Variants in L3MBTL4 observed in about 807,000 individuals in gnomAD.
L3MBTL4 encodes lethal(3)malignant brain tumor-like protein 4.
In L3MBTL4, 70 loss-of-function variants were observed where a neutral mutation model predicts 84.5. That is an observed-to-expected ratio of 0.83 (90% CI 0.68 to 1.01). L3MBTL4 has a LOEUF of 1.01. L3MBTL4 is among the 50% of genes least tolerant of loss of function. L3MBTL4 has a pLI of 0.00. For synonymous variants in L3MBTL4, 274 were observed against 259.8 expected, an observed-to-expected ratio of 1.05 and a Z score of -0.52; for missense variants, 715 against 754.8, an observed-to-expected ratio of 0.95 and a Z score of 0.62.
intron 16 of L3MBTL4, among the ~76,000 whole-genome samples, chr18:6,035,607 G>T (rs2056091651): frequency 6.6e-6 from 1 of 152,102 alleles, no homozygotes; most frequent in South Asian, 2.1e-4. Context: ...TGTTCTTTTG[G>T]CTTAGGATTG....
Position 5,955,924 on chromosome 18 carries a change from A to C in L3MBTL4, c.*296T>G. The C allele has an allele frequency of 3.7e-6, 1 of 268,384 alleles. No individual in the cohort carries two copies. The highest frequency in any genetic ancestry group is 7.0e-6 in the Non-Finnish European group (1 of 143,778). 16.6% of individuals were successfully genotyped at this position (268,384 alleles called of 1,614,324 possible). A position where few individuals can be genotyped will look rare whatever the true frequency, so the allele number is the denominator to read the frequency against. On this transcript the variant is annotated 3_prime_UTR_variant, in exon 19 of 19. Transcript: ENST00000317931. ...TCTTTTCTGGTGACGGAGAAGAATAAAGGTGGATGTGTGGGCTTCTTTGGT... is the reference window on the plus strand; with the variant it reads ...TCTTTTCTGGTGACGGAGAAGAATACAGGTGGATGTGTGGGCTTCTTTGGT...
intron 1 of L3MBTL4, among the ~76,000 whole-genome samples, chr18:6,388,609 A>C (rs2054919188): frequency 6.6e-6 from 1 of 152,212 alleles, no homozygotes; most frequent in South Asian, 2.1e-4. Flanking sequence ...AAAATGGAGA[A>C]GAAATTGAAA....
At chr18:6,377,025 C>T (rs1407286181) in intron 1 of L3MBTL4, among the ~76,000 whole-genome samples, 4 of 152,102 alleles carry the variant, frequency 2.6e-5, no homozygotes, top group Non-Finnish European at 5.9e-5. Flanking sequence ...GCAAATAAAG[C>T]TTTGGAGGAG....
chr18:5,987,512 C>T (rs1175740100), intron 16 of L3MBTL4, among the ~76,000 whole-genome samples: 1 of 152,218 alleles, frequency 6.6e-6, no homozygotes, highest in East Asian at 1.9e-4. Context: ...CTGTCTTTAG[C>T]ATCCTCCTAC....
At chr18:6,407,797 C>G (rs924678941) in intron 1 of L3MBTL4, among the ~76,000 whole-genome samples, 1 of 152,156 alleles carries the variant, frequency 6.6e-6, no homozygotes, top group African/African-American at 2.4e-5. Flanking sequence ...TAAATGGCAA[C>G]AAGCCCTTAC....
chr18:5,985,812 A>G (rs1014082316), intron 16 of L3MBTL4, among the ~76,000 whole-genome samples: 1 of 152,138 alleles, frequency 6.6e-6, no homozygotes, highest in African/African-American at 2.4e-5. Context: ...GTTGAGGACA[A>G]AAAACAGAGA....
At chr18:6,238,995 C>T (rs2047335651) in intron 9 of L3MBTL4, among the ~76,000 whole-genome samples, 1 of 152,008 alleles carries the variant, frequency 6.6e-6, no homozygotes, top group African/African-American at 2.4e-5. Context: ...CTCTGCTCCC[C>T]ATAGGCTTTC....
At chr18:6,397,907 T>G (rs1383463334) in intron 1 of L3MBTL4, 1 of 151,542 alleles carries the variant, frequency 6.6e-6, no homozygotes, top group Non-Finnish European at 1.5e-5. Context: ...TCTGAGAAGT[T>G]CCATAGTAAC....
rs777498587 is a variant in L3MBTL4, at chr18:6,241,388, A to G, written c.522T>C (p.Ala174=). The change falls in exon 8 of 19, where the codon GCT becomes GCC. Residue 174 remains alanine (A), a synonymous_variant. Coordinates refer to ENST00000317931, the MANE Select transcript of L3MBTL4 (RefSeq NM_001330559.2). ...DYLKACKLQN[A]PKKLFRNRSP... ...TTCTGTTTCTGAATAATTTCTTTGGAGCATTTTGCAATTTGCAGGCCTTCA... is the reference window on the plus strand; with the variant it reads ...TTCTGTTTCTGAATAATTTCTTTGGGGCATTTTGCAATTTGCAGGCCTTCA... 2 of 1,603,446 alleles carry G rather than the reference A, an allele frequency of 1.2e-6. No individual in the cohort carries two copies. The highest frequency in any genetic ancestry group is 2.2e-5 in the East Asian group (1 of 44,736).
intron 1 of L3MBTL4, among the ~76,000 whole-genome samples, chr18:6,324,912 A>T (rs764637406): frequency 2.4e-4 from 36 of 152,236 alleles, no homozygotes; most frequent in Non-Finnish European, 4.4e-4. Context: ...AAAGTTGCTT[A>T]ACTTCATTAG....
chr18:6,049,769 T>C (rs1226880300), intron 16 of L3MBTL4, among the ~76,000 whole-genome samples: 1 of 152,184 alleles, frequency 6.6e-6, no homozygotes, highest in Non-Finnish European at 1.5e-5. Context: ...TTGGGTGTTA[T>C]GTTCAGTACT....
intron 16 of L3MBTL4, among the ~76,000 whole-genome samples, chr18:6,073,703 G>A (rs1407313524): frequency 6.6e-6 from 1 of 152,180 alleles, no homozygotes; most frequent in Non-Finnish European, 1.5e-5. Context: ...TGCAAACTGA[G>A]CTTAATAATC....
At chr18:6,038,322 C>T (rs1211696672) in intron 16 of L3MBTL4, among the ~76,000 whole-genome samples, 5 of 139,386 alleles carry the variant, frequency 3.6e-5, no homozygotes, top group African/African-American at 5.4e-5. Flanking sequence ...GATGCAATCT[C>T]GGCTCACTGC....
intron 14 of L3MBTL4, among the ~76,000 whole-genome samples, chr18:6,136,049 A>G (rs2060017591): frequency 6.6e-6 from 1 of 152,204 alleles, no homozygotes; most frequent in Non-Finnish European, 1.5e-5. Flanking sequence ...AGGGAAAATG[A>G]GGAAGAAAGC....
At chr18:6,387,706 T>C (rs1424152011) in intron 1 of L3MBTL4, among the ~76,000 whole-genome samples, 2 of 152,148 alleles carry the variant, frequency 1.3e-5, no homozygotes, top group Non-Finnish European at 2.9e-5. Context: ...TCTTTCATAA[T>C]GTGTAAGAGC....
At chr18:5,991,855 A>G (rs1295348910) in intron 16 of L3MBTL4, among the ~76,000 whole-genome samples, 2 of 151,992 alleles carry the variant, frequency 1.3e-5, no homozygotes, top group Non-Finnish European at 2.9e-5. Context: ...AGCCCAGCCA[A>G]CCCCAGGAGG....
At chr18:6,040,831 C>T (rs1028834174) in intron 16 of L3MBTL4, among the ~76,000 whole-genome samples, 3 of 152,186 alleles carry the variant, frequency 2.0e-5, no homozygotes, top group South Asian at 2.1e-4. Flanking sequence ...CATGGCTGGC[C>T]TTCTGCTCTC....
intron 10 of L3MBTL4, among the ~76,000 whole-genome samples, chr18:6,237,680 T>C (rs1019465428): frequency 6.6e-6 from 1 of 151,992 alleles, no homozygotes; most frequent in Admixed American, 6.6e-5. Flanking sequence ...GGTCTTGAAC[T>C]CCTGACCTCA....
At chr18:6,000,516 G>A (rs2054165541) in intron 16 of L3MBTL4, among the ~76,000 whole-genome samples, 1 of 152,072 alleles carries the variant, frequency 6.6e-6, no homozygotes, top group Admixed American at 6.6e-5. Flanking sequence ...CAAGCAAAAT[G>A]AAATTTAAAT....
Sources: allele counts gnomAD v4.1 joint callset (sites outside exome capture counted in the v4.1 genomes callset), GRCh38; gene constraint gnomAD v4.1.1; transcripts MANE v1.5; gene names NCBI Gene and HGNC (gene_info 2026-07-23, HGNC 2026-07-21).